Variants in NAALADL2 observed in about 807,000 individuals in gnomAD.
NAALADL2 encodes inactive N-acetylated-alpha-linked acidic dipeptidase-like protein 2.
Under a neutral mutation model 87.2 loss-of-function variants are expected in NAALADL2, and 76 were observed. The ratio of observed to expected loss-of-function variants is 0.87; its 90% CI spans 0.72 to 1.05. NAALADL2 has a LOEUF of 1.05. Among genes scored for constraint, NAALADL2 ranks in the 50% least tolerant of loss-of-function variants. The probability of loss-of-function intolerance (pLI) is 0.00; values close to 1 mark genes in which losing one functional copy is unlikely to be tolerated. For missense variants in NAALADL2, 1,089 were observed against 945.8 expected, an observed-to-expected ratio of 1.15 and a Z score of -1.99; for synonymous variants, 354 against 331.0, an observed-to-expected ratio of 1.07 and a Z score of -0.75.
intron 10 of NAALADL2, among the ~76,000 whole-genome samples, chr3:175,588,346 G>T (rs919350589): frequency 2.0e-5 from 3 of 152,014 alleles, no homozygotes; most frequent in African/African-American, 4.8e-5. Flanking sequence ...GAACCTGTGA[G>T]GTACTCAATA....
At chr3:175,085,826 G>A (rs780072239) in intron 1 of NAALADL2, among the ~76,000 whole-genome samples, 20 of 152,180 alleles carry the variant, frequency 1.3e-4, no homozygotes, top group Non-Finnish European at 2.6e-4. Context: ...GCTGAGGCAG[G>A]AGAATCACTT....
chr3:175,387,778 A>G (rs1768580588), intron 5 of NAALADL2, among the ~76,000 whole-genome samples: 1 of 152,114 alleles, frequency 6.6e-6, no homozygotes, highest in Non-Finnish European at 1.5e-5. Flanking sequence ...TTCCACTAAT[A>G]CATTTCTTTC....
intron 2 of NAALADL2, among the ~76,000 whole-genome samples, chr3:175,153,600 T>C (rs1731874720): frequency 6.6e-6 from 1 of 152,200 alleles, no homozygotes; most frequent in South Asian, 2.1e-4. Flanking sequence ...ATTTTAGGGT[T>C]CAAGTAAATT....
rs550434725 is a variant in NAALADL2, at chr3:174,449,769, A to G, written c.-184+8737A>G. ...AGTTTGGAGATAATGTTGAAATTTT[A>G]TACTATAATAGTCATAGCCACTTTT... On this transcript the variant is annotated intron_variant, in intron 1 of 3. Coordinates refer to the NAALADL2 transcript ENST00000434257. Among the ~76,000 whole-genome samples the G allele has an allele frequency of 2.6e-5, 4 of 152,280 alleles. No individual in the cohort carries two copies. In the South Asian group the frequency reaches 8.3e-4, roughly 32 times the overall value.
intron 2 of NAALADL2, among the ~76,000 whole-genome samples, chr3:175,189,017 A>G (rs550317685): frequency 6.6e-6 from 1 of 152,264 alleles, no homozygotes; most frequent in Admixed American, 6.5e-5. Context: ...TCAGAGTCAC[A>G]CACCCTGGTT....
rs897651609 is a variant in NAALADL2, at chr3:175,445,117, C to A, written c.1091-2112C>A. 2.0e-4 allele frequency among the ~76,000 whole-genome samples: 30 copies of A among 152,254 alleles called. 2 individuals carry two copies. Among genetic ancestry groups the A allele is most frequent in the Admixed American group, 1.3e-3 (20 of 15,294 alleles). On this transcript the variant is annotated intron_variant, in intron 5 of 13. Coordinates refer to ENST00000454872, the MANE Select transcript of NAALADL2 (RefSeq NM_207015.3). Reference sequence around the variant, plus strand: ...AATATAGCACTGCATTTGAAAACATCACAGGCTGCCTGATAGAGTCATTCT... The same window carrying A: ...AATATAGCACTGCATTTGAAAACATAACAGGCTGCCTGATAGAGTCATTCT...
At chr3:174,698,257 T>TA (rs1317852024) in intron 2 of NAALADL2, among the ~76,000 whole-genome samples, 4 of 150,956 alleles carry the variant, frequency 2.6e-5, no homozygotes, top group Admixed American at 1.3e-4. Flanking sequence ...TATTTTTTTT[T>TA]ACCTGAAATA....
intron 1 of NAALADL2, among the ~76,000 whole-genome samples, chr3:174,873,591 G>T (rs1296820379): frequency 6.6e-6 from 1 of 151,896 alleles, no homozygotes; most frequent in Non-Finnish European, 1.5e-5. Context: ...TATATTTAGG[G>T]TTATGTGGAA....
intron 1 of NAALADL2, among the ~76,000 whole-genome samples, chr3:175,039,916 G>A (rs1483300719): frequency 6.6e-6 from 1 of 151,866 alleles, no homozygotes; most frequent in African/African-American, 2.4e-5. Flanking sequence ...ATACAAATTT[G>A]TACAAGATTA....
At chr3:175,124,852 T>C (rs1213936799) in intron 2 of NAALADL2, among the ~76,000 whole-genome samples, 1 of 152,036 alleles carries the variant, frequency 6.6e-6, no homozygotes, top group Non-Finnish European at 1.5e-5. Flanking sequence ...TGTCCTCTCA[T>C]ATGGAACTTA....
In NAALADL2 at chr3:175,489,707, G is replaced by A. The variant is rs141126030; in HGVS notation, c.1653+17949G>A. Among the ~76,000 whole-genome samples, 1,332 of 152,232 alleles carry A rather than the reference G, an allele frequency of 8.7e-3. 8 individuals are homozygous for A. Among genetic ancestry groups the A allele is most frequent in the African/African-American group, 0.025 (1,030 of 41,566 alleles). On this transcript the variant is annotated intron_variant, in intron 9 of 13. Coordinates refer to ENST00000454872, the MANE Select transcript of NAALADL2 (RefSeq NM_207015.3). ...CTATTAATTTTTAGAAGTAAGCTAA[G>A]TTTGCAATTTGTTGAGTGAAAACAA...
intron 4 of NAALADL2, among the ~76,000 whole-genome samples, chr3:175,293,109 C>T (rs1317262572): frequency 7.1e-6 from 1 of 140,752 alleles, no homozygotes; most frequent in Non-Finnish European, 1.5e-5. Flanking sequence ...GTAATTTTGG[C>T]TGTGTTAAGT....
intron 2 of NAALADL2, among the ~76,000 whole-genome samples, chr3:174,702,015 G>A (rs1003922693): frequency 1.4e-4 from 22 of 152,180 alleles, no homozygotes; most frequent in Admixed American, 1.4e-3. Context: ...TTCCAAGGTA[G>A]TTGTACCATT....
chr3:174,708,744 T>C (rs1419655356), intron 2 of NAALADL2, among the ~76,000 whole-genome samples: 2 of 152,184 alleles, frequency 1.3e-5, no homozygotes, highest in Non-Finnish European at 2.9e-5. Context: ...CTTGAATTAA[T>C]AGCATTTTAT....
intron 11 of NAALADL2, among the ~76,000 whole-genome samples, chr3:175,733,359 T>C (rs9290567): frequency 0.26 from 39,896 of 152,062 alleles, 5,857 homozygotes; most frequent in African/African-American, 0.39. Flanking sequence ...ACGTGGTTGG[T>C]GGCAGGAAAA....
chr3:175,719,960 A>C (rs1741997369), intron 11 of NAALADL2, among the ~76,000 whole-genome samples: 1 of 152,150 alleles, frequency 6.6e-6, no homozygotes, highest in Non-Finnish European at 1.5e-5. Flanking sequence ...AATCCCAATC[A>C]TGAGAGTTCT....
intron 1 of NAALADL2, among the ~76,000 whole-genome samples, chr3:174,971,280 T>A (rs1307279616): frequency 6.6e-6 from 1 of 152,176 alleles, no homozygotes; most frequent in African/African-American, 2.4e-5. Flanking sequence ...TTCCAAGAGA[T>A]CACAGTCCAG....
chr3:174,593,967 G>T (rs1717635251), intron 2 of NAALADL2, among the ~76,000 whole-genome samples: 1 of 152,134 alleles, frequency 6.6e-6, no homozygotes, highest in South Asian at 2.1e-4. Context: ...TGCTATTGTG[G>T]TTTATTAAAT....
chr3:175,475,649 C>T (rs1725587124), intron 9 of NAALADL2, among the ~76,000 whole-genome samples: 1 of 152,136 alleles, frequency 6.6e-6, no homozygotes, highest in Admixed American at 6.5e-5. Flanking sequence ...AGAAACTGGC[C>T]AACCTGATTA....
Sources: allele counts gnomAD v4.1 joint callset (sites outside exome capture counted in the v4.1 genomes callset), GRCh38; gene constraint gnomAD v4.1.1; transcripts MANE v1.5; gene names NCBI Gene and HGNC (gene_info 2026-07-23, HGNC 2026-07-21).